PAQR7: variants seen among roughly 807,000 people sequenced by gnomAD.
PAQR7 encodes membrane progestin receptor alpha.
Under a neutral mutation model 24.6 loss-of-function variants are expected in PAQR7, and 14 were observed. The observed-to-expected ratio is 0.57, with a 90% CI of 0.38 to 0.89. The LOEUF (loss-of-function observed/expected upper bound fraction) is 0.89. PAQR7 is among the 40% of genes least tolerant of loss of function. PAQR7 has a pLI of 0.00. For missense variants in PAQR7, 351 were observed against 444.0 expected (o/e 0.79, Z 1.88); for synonymous variants, 189 against 198.8 (o/e 0.95, Z 0.42).
Position 25,863,853 on chromosome 1 carries a change from G to A in PAQR7, c.-14C>T, listed in dbSNP as rs752837847. 1 of 1,601,508 alleles carries A rather than the reference G, an allele frequency of 6.2e-7. No individual in the cohort carries two copies. The highest frequency in any genetic ancestry group is 1.7e-5 in the Admixed American group (1 of 58,116). On this transcript the variant is annotated 5_prime_UTR_variant, in exon 3 of 3. Coordinates refer to ENST00000675840, the MANE Select transcript of PAQR7 (RefSeq NM_178422.6). The surrounding 1 kb of genome is among the most constrained non-coding windows in gnomAD (Gnocchi z 6.1). ...GGCCATGGCCATGGCTGTGGGCCTG[G>A]GCAGGGAGCTGGGAGAGAGACCAGA...
intron 2 of PAQR7, among the ~76,000 whole-genome samples, chr1:25,866,072 A>T (rs1415316890): frequency 6.6e-6 from 1 of 151,614 alleles, no homozygotes. Flanking sequence ...TCAAAAGACC[A>T]CTTTTTTCCT....
chr1:25,862,851 G>A lies in PAQR7; in HGVS notation c.989C>T (p.Ala330Val), dbSNP rs1280143007. 1.2e-6 allele frequency: 2 copies of A among 1,614,052 alleles called. No individual in the cohort carries two copies. The highest frequency in any genetic ancestry group is 2.7e-5 in the African/African-American group (2 of 74,924). Residue 330 changes from alanine (A) to valine (V), a missense_variant, in exon 3 of 3, where the codon GCA (alanine) becomes GTA (valine). Ala to Val is a moderately conservative substitution (Grantham distance 64). Transcript: ENST00000675840. ...CTGTACCAGCTGGCTCAGGAGGAAT[G>A]CAGTGAGGATGCTGCTGCCCACCGT... ...LLTVGSSILT[A>V]FLLSQLVQRK...
chr1:25,862,134 G>T lies in PAQR7; in HGVS notation c.*665C>A, dbSNP rs213637. The T allele has an allele frequency of 0.62, 93,191 of 151,390 alleles. 29,644 individuals carry two copies. The highest frequency in any genetic ancestry group is 0.77 in the African/African-American group (31,804 of 41,276). 9.4% of individuals were successfully genotyped at this position (151,390 alleles called of 1,614,324 possible). A position where few individuals can be genotyped will look rare whatever the true frequency, so the allele number is the denominator to read the frequency against. On this transcript the variant is annotated 3_prime_UTR_variant, in exon 3 of 3. Coordinates refer to ENST00000675840, the MANE Select transcript of PAQR7 (RefSeq NM_178422.6). Reference sequence around the variant, plus strand: ...AAACACTGAATGGATAAATGAATCCGTAACAAGGGAACCAGGAGAGAAGCT... The same window carrying T: ...AAACACTGAATGGATAAATGAATCCTTAACAAGGGAACCAGGAGAGAAGCT...
Position 25,863,174 on chromosome 1 carries a change from C to T in PAQR7, c.666G>A (p.Val222=), listed in dbSNP as rs1273222342. The change falls in exon 3 of 3, where the codon GTG becomes GTA. Residue 222 remains valine (V), a synonymous_variant. Transcript: ENST00000675840. This position sits in a 1 kb window ranked among gnomAD's most constrained non-coding sequence, Gnocchi z 6.1. The part of the protein sequence containing the change: ...LAYALDISPV[V]HRIFVSSDPT... ...GGTCGGAGGACACGAAGATACGATG[C>T]ACCACAGGACTAATGTCCAGTGCGT... 3 of 1,614,224 alleles carry T rather than the reference C, an allele frequency of 1.9e-6. No homozygotes were observed. The highest frequency in any genetic ancestry group is 1.3e-5 in the African/African-American group (1 of 75,082).
chr1:25,867,286 C>T (rs1411915423), intron 2 of PAQR7, among the ~76,000 whole-genome samples: 5 of 152,102 alleles, frequency 3.3e-5, no homozygotes, highest in East Asian at 3.9e-4. Context: ...CCCTCCCACT[C>T]GGCCTCCCAA....
At chr1:25,866,374 T>C (rs1234319332) in intron 2 of PAQR7, among the ~76,000 whole-genome samples, 3 of 152,286 alleles carry the variant, frequency 2.0e-5, no homozygotes, top group South Asian at 4.1e-4. Context: ...CCCTGACCTA[T>C]AATGGGTTAC....
intron 2 of PAQR7, among the ~76,000 whole-genome samples, chr1:25,865,103 C>CT (rs2048545931): frequency 6.7e-6 from 1 of 150,374 alleles, no homozygotes; most frequent in Admixed American, 6.6e-5. Flanking sequence ...CTGCAGTGCG[C>CT]GCCACTGCAC....
At position 25,862,748 on chromosome 1, in the gene PAQR7, A is replaced by C. The variant is rs1257169796; in HGVS notation, c.*51T>G. 1 of 1,549,268 alleles carries C rather than the reference A, an allele frequency of 6.5e-7. No homozygotes were observed. The highest frequency in any genetic ancestry group is 1.8e-5 in the Admixed American group (1 of 55,650). Reference sequence around the variant, plus strand: ...CTTGTTCCCACCTGGAGCCAAACCCAGACCCCTGTCCCCCAACTATACCTC... The same window carrying C: ...CTTGTTCCCACCTGGAGCCAAACCCCGACCCCTGTCCCCCAACTATACCTC... On this transcript the variant is annotated 3_prime_UTR_variant, in exon 3 of 3. Transcript: ENST00000675840.
At chr1:25,873,898 T>C (rs1443201034) in intron 1 of PAQR7, among the ~76,000 whole-genome samples, 1 of 152,128 alleles carries the variant, frequency 6.6e-6, no homozygotes, top group Non-Finnish European at 1.5e-5. Context: ...TTTTTTATTT[T>C]TTGAGACAAA....
Position 25,875,340 on chromosome 1 carries a change from T to A in PAQR7, c.-109+148A>T, listed in dbSNP as rs1450562154. ...CTCCCCTCCGGCTCCGCGTCCTGCC[T>A]GTCTTCCCCGGGTCCCAAGTCCGCC... On this transcript the variant is annotated intron_variant, in intron 1 of 2. Transcript: ENST00000675840. This position sits in a 1 kb window ranked among gnomAD's most constrained non-coding sequence, Gnocchi z 5.4. Among the ~76,000 whole-genome samples, 2 of 152,180 alleles carry A rather than the reference T, an allele frequency of 1.3e-5. No individual in the cohort carries two copies. The highest frequency in any genetic ancestry group is 2.9e-5 in the Non-Finnish European group (2 of 68,032).
intron 1 of PAQR7, among the ~76,000 whole-genome samples, chr1:25,874,182 C>CTTTTTTTT (rs36099426): frequency 7.1e-6 from 1 of 139,968 alleles, no homozygotes; most frequent in African/African-American, 2.7e-5. Context: ...CATGCCCAGA[C>CTTTTTTTT]TTTTTTTTTT....
chr1:25,875,136 C>T lies in PAQR7; in HGVS notation c.-109+352G>A, dbSNP rs1231876969. Among the ~76,000 whole-genome samples the T allele has an allele frequency of 1.3e-5, 2 of 152,126 alleles. No individual in the cohort carries two copies. The highest frequency in any genetic ancestry group is 2.9e-5 in the Non-Finnish European group (2 of 68,018). On this transcript the variant is annotated intron_variant, in intron 1 of 2. Coordinates refer to ENST00000675840, the MANE Select transcript of PAQR7 (RefSeq NM_178422.6). This position sits in a 1 kb window ranked among gnomAD's most constrained non-coding sequence, Gnocchi z 5.4. Reference sequence around the variant, plus strand: ...CCATCCTTCATTTTCTCCAAGCAGCCCTCCCCTCCCCTGCTCACTGGACAA... The same window carrying T: ...CCATCCTTCATTTTCTCCAAGCAGCTCTCCCCTCCCCTGCTCACTGGACAA...
At position 25,866,380 on chromosome 1, in the gene PAQR7, G is replaced by A. The variant is rs867885971; in HGVS notation, c.-22-2519C>T. 7.9e-5 allele frequency among the ~76,000 whole-genome samples: 12 copies of A among 152,204 alleles called. No individual in the cohort carries two copies. The South Asian group carries it at 1.2e-3, about 16-fold the overall frequency. On this transcript the variant is annotated intron_variant, in intron 2 of 2. Transcript: ENST00000675840. ...CCCACTTTCCCCTGACCTATAATGG[G>A]TTACACAGTTTAACCTTGATTCATT...
At chr1:25,871,927 A>G (rs2048609539) in intron 1 of PAQR7, among the ~76,000 whole-genome samples, 1 of 152,262 alleles carries the variant, frequency 6.6e-6, no homozygotes, top group African/African-American at 2.4e-5. Flanking sequence ...GAGGGAAGCC[A>G]GCCAGGTAGT....
Position 25,862,012 on chromosome 1 carries a change from CAAAAAAAAAAAAAAAAA to C in PAQR7, c.*770_*786del, listed in dbSNP as rs536655473. ...CCTAGCCAACAAGAGCGAAACTCCTCAAAAAAAAAAAAAAAAAAAAAAAAAAAAAAAGCCTTTGTCAT... is the reference window on the plus strand; with the variant it reads ...CCTAGCCAACAAGAGCGAAACTCCTCAAAAAAAAAAAAAAGCCTTTGTCAT... On this transcript the variant is annotated 3_prime_UTR_variant, in exon 3 of 3. Coordinates refer to ENST00000675840, the MANE Select transcript of PAQR7 (RefSeq NM_178422.6). The C allele has an allele frequency of 1.1e-4, 3 of 26,302 alleles. No homozygotes were observed. The highest frequency in any genetic ancestry group is 4.5e-3 in the South Asian group (1 of 220). 1.6% of individuals were successfully genotyped at this position (26,302 alleles called of 1,614,324 possible). A position where few individuals can be genotyped will look rare whatever the true frequency, so the allele number is the denominator to read the frequency against.
Position 25,863,265 on chromosome 1 carries a change from T to TG in PAQR7, c.574_575insC (p.Asn192ThrfsTer28). On this transcript the variant is annotated frameshift_variant, in exon 3 of 3. Transcript: ENST00000675840. LOFTEE classifies it high-confidence loss of function. This position sits in a 1 kb window ranked among gnomAD's most constrained non-coding sequence, Gnocchi z 6.1. ...CAGGCCTGGTTTCTGGATGTACTTG[T>TG]TATAGCAGGAGCCAATGCAGGAAAG... The TG allele has an allele frequency of 6.2e-7, 1 of 1,614,208 alleles. No individual in the cohort carries two copies. Among genetic ancestry groups the TG allele is most frequent in the Non-Finnish European group, 8.5e-7 (1 of 1,180,028 alleles).
chr1:25,875,691 G>A lies in PAQR7; in HGVS notation c.-312C>T, dbSNP rs1206678516. On this transcript the variant is annotated 5_prime_UTR_variant, in exon 1 of 3. Transcript: ENST00000675840. This position sits in a 1 kb window ranked among gnomAD's most constrained non-coding sequence, Gnocchi z 5.4. ...GCGCACAAGCAGCTCTGCCCCGCCAGGCCCACGTGTTGCACGCGCGGGAGA... is the reference window on the plus strand; with the variant it reads ...GCGCACAAGCAGCTCTGCCCCGCCAAGCCCACGTGTTGCACGCGCGGGAGA... 6.6e-6 allele frequency among the ~76,000 whole-genome samples: 1 copy of A among 151,934 alleles called. No homozygotes were observed. Among genetic ancestry groups the A allele is most frequent in the Non-Finnish European group, 1.5e-5 (1 of 67,966 alleles).
intron 1 of PAQR7, among the ~76,000 whole-genome samples, chr1:25,871,524 G>A (rs979272715): frequency 3.3e-5 from 5 of 152,036 alleles, no homozygotes; most frequent in Admixed American, 6.6e-5. Context: ...AGCCTGAGCC[G>A]CTCCTTCCTC....
chr1:25,865,586 G>C (rs1369956381), intron 2 of PAQR7, among the ~76,000 whole-genome samples: 1 of 152,152 alleles, frequency 6.6e-6, no homozygotes. Flanking sequence ...GAGGCGGGCG[G>C]ATCATGAGGT....
Sources: allele counts gnomAD v4.1 joint callset (sites outside exome capture counted in the v4.1 genomes callset), GRCh38; gene constraint gnomAD v4.1.1; non-coding constraint Gnocchi (gnomAD v3.1); transcripts MANE v1.5; gene names NCBI Gene and HGNC (gene_info 2026-07-23, HGNC 2026-07-21).